INPP4B: variants seen among roughly 807,000 people sequenced by gnomAD.
The protein encoded by INPP4B is inositol polyphosphate-4-phosphatase type II B, also known as inositol polyphosphate 4-phosphatase type II.
INPP4B carries 55 observed loss-of-function variants against 122.5 expected under a neutral mutation model. That is an observed-to-expected ratio of 0.45 (90% CI 0.36 to 0.56). The LOEUF (loss-of-function observed/expected upper bound fraction) is 0.56. Ranked by LOEUF, INPP4B falls within the 20% of genes least tolerant of loss-of-function variation. INPP4B has a pLI of 0.00. For synonymous variants in INPP4B, 403 were observed against 388.7 expected, an observed-to-expected ratio of 1.04 and a Z score of -0.43; for missense variants, 1,000 against 1,097.7, an observed-to-expected ratio of 0.91 and a Z score of 1.26.
At chr4:142,781,635 A>C (rs998837268) in intron 1 of INPP4B, among the ~76,000 whole-genome samples, 16 of 152,228 alleles carry the variant, frequency 1.1e-4, no homozygotes, top group African/African-American at 3.6e-4. Context: ...AGTATAAAAA[A>C]ACCAAAGATA....
At chr4:142,136,523 G>A (rs1422526752) in intron 18 of INPP4B, among the ~76,000 whole-genome samples, 1 of 152,232 alleles carries the variant, frequency 6.6e-6, no homozygotes, top group Non-Finnish European at 1.5e-5. Context: ...CAGATGATGT[G>A]AAGTTTGGGC....
At chr4:142,040,899 T>C (rs1454987415) in intron 25 of INPP4B, among the ~76,000 whole-genome samples, 1 of 152,142 alleles carries the variant, frequency 6.6e-6, no homozygotes, top group Non-Finnish European at 1.5e-5. Flanking sequence ...AAGAGGACAT[T>C]AACACGTAAA....
chr4:142,360,813 A>T (rs1454959056), intron 7 of INPP4B, among the ~76,000 whole-genome samples: 1 of 151,978 alleles, frequency 6.6e-6, no homozygotes, highest in East Asian at 1.9e-4. Flanking sequence ...GTTAGGTGGA[A>T]AAAGTAGATT....
intron 3 of INPP4B, among the ~76,000 whole-genome samples, chr4:142,454,585 G>A (rs981273377): frequency 2.6e-5 from 4 of 151,982 alleles, no homozygotes; most frequent in African/African-American, 4.8e-5. Context: ...ATCTGGATCC[G>A]TCATGTCATA....
intron 2 of INPP4B, among the ~76,000 whole-genome samples, chr4:142,546,968 T>C (rs530472952): frequency 5.3e-5 from 8 of 152,162 alleles, no homozygotes; most frequent in Non-Finnish European, 1.2e-4. Flanking sequence ...TTTTCAAAAT[T>C]ATGATAATAT....
At chr4:142,121,641 T>C (rs1224614698) in intron 21 of INPP4B, among the ~76,000 whole-genome samples, 2 of 152,096 alleles carry the variant, frequency 1.3e-5, no homozygotes, top group East Asian at 3.9e-4. Flanking sequence ...TTCTCGGAAA[T>C]CTCATAGTCT....
At chr4:142,059,050 T>C (rs1759216547) in intron 25 of INPP4B, among the ~76,000 whole-genome samples, 1 of 152,182 alleles carries the variant, frequency 6.6e-6, no homozygotes, top group South Asian at 2.1e-4. Context: ...CTTATAAACC[T>C]GGATATTTAG....
intron 11 of INPP4B, among the ~76,000 whole-genome samples, chr4:142,244,270 C>A (rs1367950395): frequency 7.0e-6 from 1 of 142,150 alleles, no homozygotes; most frequent in African/African-American, 2.7e-5. Flanking sequence ...ACATGGTATT[C>A]CATGGTGTAT....
chr4:142,301,830 A>T (rs1369165948), intron 9 of INPP4B, among the ~76,000 whole-genome samples: 1 of 152,214 alleles, frequency 6.6e-6, no homozygotes, highest in African/African-American at 2.4e-5. Context: ...TGAATTTCCT[A>T]GGAAACAAAT....
intron 2 of INPP4B, among the ~76,000 whole-genome samples, chr4:142,544,622 C>T (rs2150046993): frequency 6.6e-6 from 1 of 152,178 alleles, no homozygotes; most frequent in South Asian, 2.1e-4. Context: ...CTTTATATTC[C>T]TTCCTACCAT....
chr4:142,716,356 TG>T (rs1386792497), intron 2 of INPP4B, among the ~76,000 whole-genome samples: 1 of 152,246 alleles, frequency 6.6e-6, no homozygotes, highest in African/African-American at 2.4e-5. Flanking sequence ...GCTTCAAGTA[TG>T]GCTAGATTCA....
chr4:142,417,120 C>T (rs1273949289), intron 5 of INPP4B, among the ~76,000 whole-genome samples: 1 of 152,102 alleles, frequency 6.6e-6, no homozygotes, highest in Non-Finnish European at 1.5e-5. Flanking sequence ...CCAGGGAGAG[C>T]AGTTCAAATG....
At chr4:142,060,675 G>A (rs528009398) in intron 25 of INPP4B, among the ~76,000 whole-genome samples, 4 of 152,246 alleles carry the variant, frequency 2.6e-5, no homozygotes, top group African/African-American at 9.6e-5. Flanking sequence ...AATCCATGGA[G>A]TTAATCCACA....
intron 5 of INPP4B, among the ~76,000 whole-genome samples, chr4:142,420,125 C>T (rs955197452): frequency 2.0e-5 from 3 of 151,888 alleles, no homozygotes; most frequent in Admixed American, 1.3e-4. Flanking sequence ...ATAAAGGAAA[C>T]ATCTAGGAAA....
At chr4:142,198,580 C>A (rs758649169) in intron 14 of INPP4B, among the ~76,000 whole-genome samples, 1 of 151,392 alleles carries the variant, frequency 6.6e-6, no homozygotes, top group South Asian at 2.1e-4. Flanking sequence ...CCACAATTCC[C>A]TTTTCTTTCC....
intron 25 of INPP4B, among the ~76,000 whole-genome samples, chr4:142,041,731 T>C (rs1257238347): frequency 6.6e-6 from 1 of 152,194 alleles, no homozygotes; most frequent in Non-Finnish European, 1.5e-5. Context: ...CTGGCTCTTT[T>C]TTCTCTAATA....
chr4:142,528,490 C>T (rs938806621), intron 2 of INPP4B, among the ~76,000 whole-genome samples: 1 of 152,062 alleles, frequency 6.6e-6, no homozygotes, highest in South Asian at 2.1e-4. Context: ...TGCCCTCTAT[C>T]CAGGCAAGAA....
At chr4:142,081,718 G>A (rs1773984651) in intron 25 of INPP4B, among the ~76,000 whole-genome samples, 1 of 151,910 alleles carries the variant, frequency 6.6e-6, no homozygotes, top group Admixed American at 6.6e-5. Context: ...CTTAACTTGA[G>A]CCAATGAGCT....
chr4:142,269,215 C>G (rs562489597), intron 10 of INPP4B, among the ~76,000 whole-genome samples: 1 of 152,292 alleles, frequency 6.6e-6, no homozygotes, highest in South Asian at 2.1e-4. Context: ...CCTCTTCTCC[C>G]TTTCACATAT....
Sources: gnomAD v4.1 joint callset for allele counts (sites outside exome capture counted in the v4.1 genomes callset) on GRCh38, gnomAD v4.1.1 for gene constraint, MANE v1.5 for transcripts, NCBI Gene and HGNC (gene_info 2026-07-23, HGNC 2026-07-21) for gene names.